Variants in ABCG2 observed in about 807,000 individuals in gnomAD.
ABCG2 encodes the protein broad substrate specificity ATP-binding cassette transporter ABCG2.
Under a neutral mutation model 73.5 loss-of-function variants are expected in ABCG2, and 80 were observed. The observed-to-expected ratio is 1.09, with a 90% CI of 0.91 to 1.31. ABCG2 has a LOEUF of 1.31. Ranked by LOEUF, ABCG2 falls within the 50% of genes most tolerant of loss-of-function variation. The pLI is 0.00. For missense variants in ABCG2, 796 were observed against 786.2 expected (o/e 1.01, Z -0.15); for synonymous variants, 269 against 282.4 (o/e 0.95, Z 0.48).
At chr4:88,177,417 G>A (rs751229174) in intron 1 of ABCG2, among the ~76,000 whole-genome samples, 1 of 151,682 alleles carries the variant, frequency 6.6e-6, no homozygotes, top group Non-Finnish European at 1.5e-5. Context: ...TTACCCTTGT[G>A]GAAATTATGA....
intron 1 of ABCG2, among the ~76,000 whole-genome samples, chr4:88,228,859 ATTGTAAATG>A (rs1730332768): frequency 2.1e-5 from 2 of 95,926 alleles, no homozygotes; most frequent in Admixed American, 1.1e-4. Context: ...TAGCTAAAGG[ATTGTAAATG>A]CACCAATCAG....
intron 1 of ABCG2, among the ~76,000 whole-genome samples, chr4:88,147,495 G>C (rs1726137226): frequency 6.6e-6 from 1 of 152,110 alleles, no homozygotes; most frequent in Non-Finnish European, 1.5e-5. Context: ...AGAATTCCTT[G>C]CAAATCTGCA....
intron 1 of ABCG2, among the ~76,000 whole-genome samples, chr4:88,153,152 C>A (rs1391810339): frequency 6.6e-6 from 1 of 152,038 alleles, no homozygotes; most frequent in East Asian, 1.9e-4. Flanking sequence ...TTGAGAGTGG[C>A]GGTTTGGGGA....
At chr4:88,100,346 C>CA (rs1722309832) in intron 11 of ABCG2, among the ~76,000 whole-genome samples, 1 of 151,324 alleles carries the variant, frequency 6.6e-6, no homozygotes, top group Non-Finnish European at 1.5e-5. Flanking sequence ...CTAAAAATAC[C>CA]AAAAAAATTA....
intron 1 of ABCG2, among the ~76,000 whole-genome samples, chr4:88,173,141 T>A (rs1027440777): frequency 6.6e-6 from 1 of 152,230 alleles, no homozygotes; most frequent in African/African-American, 2.4e-5. Context: ...GTATTGGTCA[T>A]CATATTCACT....
chr4:88,097,811 C>A (rs1373285866), intron 12 of ABCG2, among the ~76,000 whole-genome samples: 1 of 152,232 alleles, frequency 6.6e-6, no homozygotes, highest in Non-Finnish European at 1.5e-5. Context: ...CACTTATGTG[C>A]CATTATGTAT....
At chr4:88,177,768 G>C (rs1029697995) in intron 1 of ABCG2, among the ~76,000 whole-genome samples, 9 of 152,160 alleles carry the variant, frequency 5.9e-5, no homozygotes, top group African/African-American at 1.7e-4. Context: ...TGTGTTGGGG[G>C]AGGGAGAGCA....
chr4:88,199,809 C>A (rs1206695782), intron 1 of ABCG2, among the ~76,000 whole-genome samples: 2 of 151,644 alleles, frequency 1.3e-5, no homozygotes, highest in African/African-American at 2.4e-5. Flanking sequence ...ACTATCCTGG[C>A]GAACACAGTG....
At chr4:88,205,340 A>G (rs1449653529) in intron 1 of ABCG2, among the ~76,000 whole-genome samples, 1 of 152,182 alleles carries the variant, frequency 6.6e-6, no homozygotes, top group Non-Finnish European at 1.5e-5. Context: ...TTAAACCTCT[A>G]AGATATGTGT....
chr4:88,178,693 C>T (rs28878270), intron 1 of ABCG2, among the ~76,000 whole-genome samples: 442 of 152,230 alleles, frequency 2.9e-3, no homozygotes, highest in African/African-American at 0.01. Context: ...AGCCCACTGC[C>T]TGAAGGGAGA....
chr4:88,158,847 A>C (rs2110083752), upstream of ABCG2: 1 of 334,986 alleles, frequency 3.0e-6, no homozygotes, highest in East Asian at 1.0e-4. Context: ...GGACGAGCTC[A>C]GGCAGCGCTG....
intron 1 of ABCG2, among the ~76,000 whole-genome samples, chr4:88,211,363 A>C (rs6821527): frequency 0.72 from 32,740 of 45,546 alleles, 10,329 homozygotes; most frequent in Non-Finnish European, 0.74. Context: ...CCCCTGCCCC[A>C]CCCCCCCCCA....
At position 88,121,746 on chromosome 4, in the gene ABCG2, C is replaced by T. The variant is rs1406395272; in HGVS notation, c.578G>A (p.Arg193Lys). ...IRGVSGGERK[R>K]TSIGMELITD... ...GATAAGCTCCATTCCTATACTAGTC[C>T]TTTTTCTTTCTCCTCCAGACACACC... Residue 193 changes from arginine to lysine, a missense_variant, in exon 6 of 16, where the codon AGG becomes AAG. Coordinates refer to ENST00000237612, the MANE Select transcript of ABCG2 (RefSeq NM_004827.3). The T allele has an allele frequency of 2.5e-6, 4 of 1,613,860 alleles. No individual in the cohort carries two copies. Among genetic ancestry groups the T allele is most frequent in the African/African-American group, 2.7e-5 (2 of 74,898 alleles).
At chr4:88,203,617 G>T (rs1578275920) in intron 1 of ABCG2, among the ~76,000 whole-genome samples, 4 of 152,176 alleles carry the variant, frequency 2.6e-5, no homozygotes. Context: ...AGCTGGGCGT[G>T]GTGGTGGGCG....
At chr4:88,107,032 ACT>A in intron 10 of ABCG2, 150 bp downstream of exon 10, 1 of 605,230 alleles carries the variant, frequency 1.7e-6, no homozygotes. Context: ...ACAGAGCATG[ACT>A]CTGTCTCAAA....
intron 1 of ABCG2, among the ~76,000 whole-genome samples, chr4:88,182,360 CA>C (rs1206725919): frequency 6.6e-6 from 1 of 152,096 alleles, no homozygotes; most frequent in African/African-American, 2.4e-5. Flanking sequence ...AGAAAATCAA[CA>C]AAGAAAAATT....
chr4:88,156,146 G>T (rs1188862716), intron 1 of ABCG2, among the ~76,000 whole-genome samples: 1 of 151,454 alleles, frequency 6.6e-6, no homozygotes, highest in African/African-American at 2.4e-5. Context: ...AGGCCGAGGC[G>T]GGCAGATCAC....
intron 1 of ABCG2, among the ~76,000 whole-genome samples, chr4:88,211,269 C>T (rs1729578178): frequency 6.7e-6 from 1 of 148,926 alleles, no homozygotes; most frequent in South Asian, 2.1e-4. Context: ...GTTACATAAG[C>T]AGATTGCATA....
At chr4:88,134,756 GA>G (rs1242446580) in intron 2 of ABCG2, among the ~76,000 whole-genome samples, 1 of 152,186 alleles carries the variant, frequency 6.6e-6, no homozygotes, top group Non-Finnish European at 1.5e-5. Flanking sequence ...TGGCATTACA[GA>G]AAACAACAAC....
Sources: allele counts gnomAD v4.1 joint callset (sites outside exome capture counted in the v4.1 genomes callset), GRCh38; gene constraint gnomAD v4.1.1; transcripts MANE v1.5; gene names NCBI Gene and HGNC (gene_info 2026-07-23, HGNC 2026-07-21).